DNAJB1: variants seen among roughly 807,000 people sequenced by gnomAD.
DNAJB1 encodes the protein DnaJ heat shock protein family (Hsp40) member B1.
A neutral mutation model predicts 24.0 loss-of-function variants in DNAJB1; 14 were observed. The observed-to-expected ratio is 0.58, with a 90% CI of 0.39 to 0.91. The LOEUF (loss-of-function observed/expected upper bound fraction) is 0.91, where lower values mean the gene tolerates loss of function less well. Ranked by LOEUF, DNAJB1 falls within the 40% of genes least tolerant of loss-of-function variation. DNAJB1 has a pLI of 0.00. For missense variants in DNAJB1, 517 were observed against 458.1 expected (o/e 1.13, Z -1.17); for synonymous variants, 262 against 174.4 (o/e 1.50, Z -3.96).
intron 1 of DNAJB1, among the ~76,000 whole-genome samples, chr19:14,528,670 T>G (rs1249202196): frequency 1.3e-5 from 2 of 151,446 alleles, no homozygotes; most frequent in Non-Finnish European, 2.9e-5. Flanking sequence ...CCGGGCGGGG[T>G]GGCTCAGGCC....
chr19:14,538,520 C>T (rs1402236707), intron 1 of DNAJB1, among the ~76,000 whole-genome samples: 1 of 141,594 alleles, frequency 7.1e-6, no homozygotes, highest in African/African-American at 2.7e-5. Flanking sequence ...TGGAAGGCCT[C>T]AAAACTCTTT....
In DNAJB1 at chr19:14,559,289, T is replaced by G. The variant is rs546326639; in HGVS notation, c.-2166+742A>C. 1.0e-3 allele frequency among the ~76,000 whole-genome samples: 156 copies of G among 152,046 alleles called. 1 individual carries two copies. The highest frequency in any genetic ancestry group is 3.1e-3 in the African/African-American group (127 of 41,476). Reference sequence around the variant, plus strand: ...CCACCTCTGTCTCGTCCCAGAACATTTTCCTCACTCTGAAAGGAGACCGGG... The same window carrying G: ...CCACCTCTGTCTCGTCCCAGAACATGTTCCTCACTCTGAAAGGAGACCGGG... On this transcript the variant is annotated intron_variant, in intron 1 of 5. Coordinates refer to the DNAJB1 transcript ENST00000679223.
At chr19:14,518,098 T>C in intron 1 of DNAJB1, 41 bp downstream of exon 1, 1 of 1,410,596 alleles carries the variant, frequency 7.1e-7, no homozygotes, top group South Asian at 1.5e-5. Flanking sequence ...TTTCCCTGTC[T>C]GTCAAAAGGC....
At position 14,516,842 on chromosome 19, in the gene DNAJB1, C is replaced by A. The variant is rs774560970; in HGVS notation, c.416G>T (p.Gly139Val). ...DPFSGFPMGM[G>V]GFTNVNFGRS... ...GCCAAAGTTCACGTTGGTGAAGCCA[C>A]CCATGCCCATAGGGAAGCCAGAGAA... The change falls in exon 2 of 3, where the codon GGT (glycine) becomes GTT (valine). Residue 139 changes from glycine to valine, a missense_variant. Coordinates refer to ENST00000254322, the MANE Select transcript of DNAJB1 (RefSeq NM_006145.3). 1 of 1,613,944 alleles carries A rather than the reference C, an allele frequency of 6.2e-7. No individual in the cohort carries two copies. The highest frequency in any genetic ancestry group is 1.1e-5 in the South Asian group (1 of 91,074).
At chr19:14,553,034 T>TG (rs1256070509), upstream of DNAJB1, among the ~76,000 whole-genome samples, 2 of 151,718 alleles carry the variant, frequency 1.3e-5, no homozygotes, top group East Asian at 3.9e-4. Context: ...CCACTGAGAA[T>TG]GGGGGGCAGG....
intron 2 of DNAJB1, among the ~76,000 whole-genome samples, chr19:14,526,233 A>G (rs1482495608): frequency 8.5e-5 from 13 of 152,200 alleles, no homozygotes; most frequent in Non-Finnish European, 1.5e-4. Flanking sequence ...TCAGCTCAAC[A>G]ACGACCCAAC....
chr19:14,519,471 C>G (rs2072337584), upstream of DNAJB1, among the ~76,000 whole-genome samples: 2 of 152,226 alleles, frequency 1.3e-5, no homozygotes, highest in Non-Finnish European at 2.9e-5. Context: ...AAGACTGCCT[C>G]TGTTCTCACC....
rs2072253450 is a variant in DNAJB1, at chr19:14,516,085, A to T, written c.878T>A (p.Met293Lys). 6.2e-7 allele frequency: 1 copy of T among 1,613,718 alleles called. No individual in the cohort carries two copies. The stretch of plus-strand genomic sequence containing the variant: ...GCCTTCTCCAGGAACTTTTCGCCGC[A>T]TGCCAGGCCTGATAACATCTTTGAA... The part of the protein sequence containing the change: ...VVFKDVIRPG[M>K]RRKVPGEGLP... The change falls in exon 3 of 3, where the codon ATG (methionine) becomes AAG (lysine). Residue 293 changes from methionine to lysine, a missense_variant. Met to Lys is a moderately conservative substitution (Grantham distance 95, BLOSUM62 -1). Transcript: ENST00000254322.
At position 14,549,211 on chromosome 19, in the gene DNAJB1, C is replaced by CT. The variant is rs561284094; in HGVS notation, c.-214+996dup. Among the ~76,000 whole-genome samples the CT allele has an allele frequency of 6.0e-3, 665 of 111,124 alleles. 6 individuals are homozygous for CT. Among genetic ancestry groups the CT allele is most frequent in the Non-Finnish European group, 6.3e-3 (354 of 56,320 alleles). The allele number at this position is 111,124 out of a possible 152,430, so 72.9% of individuals were successfully genotyped here. A position where few individuals can be genotyped will look rare whatever the true frequency, so the allele number is the denominator to read the frequency against. On this transcript the variant is annotated intron_variant, in intron 1 of 3. Coordinates refer to the DNAJB1 transcript ENST00000676982. Reference sequence around the variant, plus strand: ...ATTATTTCCACAACCTTTAATTGGACTTTTTTTTTTTTTTTTTTTTGAGAT... The same window carrying CT: ...ATTATTTCCACAACCTTTAATTGGACTTTTTTTTTTTTTTTTTTTTTGAGAT...
At chr19:14,544,099 G>A (rs2073220813) in intron 1 of DNAJB1, among the ~76,000 whole-genome samples, 1 of 152,034 alleles carries the variant, frequency 6.6e-6, no homozygotes, top group Non-Finnish European at 1.5e-5. Flanking sequence ...GACAGAGCTG[G>A]AGAATCCCTA....
In DNAJB1 at chr19:14,558,159, C is replaced by A. The variant is rs188589640; in HGVS notation, c.-2166+1872G>T. On this transcript the variant is annotated intron_variant, in intron 1 of 5. Transcript: ENST00000679223. ...ACTTTGCCATGAGTAGATGGAAGTT[C>A]AGAGAGGTTGGGTAACTTGCCCAGG... Among the ~76,000 whole-genome samples, 78 of 152,266 alleles carry A rather than the reference C, an allele frequency of 5.1e-4. No homozygotes were observed. The East Asian group carries it at 0.014, about 27-fold the overall frequency.
chr19:14,542,035 G>A (rs2073112623), intron 1 of DNAJB1, among the ~76,000 whole-genome samples: 1 of 152,036 alleles, frequency 6.6e-6, no homozygotes, highest in Admixed American at 6.6e-5. Flanking sequence ...CGCCCACCTC[G>A]GCCTTCCAGA....
intron 1 of DNAJB1, among the ~76,000 whole-genome samples, chr19:14,536,924 A>G (rs1453724549): frequency 7.8e-6 from 1 of 128,812 alleles, no homozygotes; most frequent in Non-Finnish European, 1.6e-5. Context: ...GGCCCTACTC[A>G]CCTCTGGACC....
upstream of DNAJB1, among the ~76,000 whole-genome samples, chr19:14,552,684 G>A (rs377319079): frequency 1.3e-5 from 2 of 151,940 alleles, no homozygotes; most frequent in East Asian, 1.9e-4. Flanking sequence ...ACAGGCACCC[G>A]CCACCATGCC....
intron 1 of DNAJB1, among the ~76,000 whole-genome samples, chr19:14,556,575 C>T (rs1599480369): frequency 6.6e-6 from 1 of 152,094 alleles, no homozygotes; most frequent in African/African-American, 2.4e-5. Context: ...CAGAGGCTGG[C>T]TTGGTTTTTT....
chr19:14,521,938 A>ATT (rs796191031), upstream of DNAJB1, among the ~76,000 whole-genome samples: 20 of 147,364 alleles, frequency 1.4e-4, no homozygotes, highest in African/African-American at 4.7e-4. Flanking sequence ...GGAAGTTTTA[A>ATT]TTTTTTTTTT....
Position 14,516,113 on chromosome 19 carries a change from C to G in DNAJB1, c.850G>C (p.Val284Leu), listed in dbSNP as rs374296355. 9 of 1,613,726 alleles carry G rather than the reference C, an allele frequency of 5.6e-6. No individual in the cohort carries two copies. Among genetic ancestry groups the G allele is most frequent in the South Asian group, 5.5e-5 (5 of 91,060 alleles). ...PTLDGRTIPVVFKDVIRPGMR... is the reference protein window; with the variant it reads ...PTLDGRTIPVLFKDVIRPGMR... Reference sequence around the variant, plus strand: ...CCAGGCCTGATAACATCTTTGAATACGACGGGTATCGTCCTGCCGTCCAGA... The same window carrying G: ...CCAGGCCTGATAACATCTTTGAATAGGACGGGTATCGTCCTGCCGTCCAGA... Residue 284 changes from valine (V) to leucine (L), a missense_variant, in exon 3 of 3, where the codon GTA becomes CTA. Transcript: ENST00000254322.
At chr19:14,529,658 G>T, upstream of DNAJB1, 2 of 1,613,858 alleles carry the variant, frequency 1.2e-6, no homozygotes. Context: ...CAGTTAGGCA[G>T]CAGCAGCCGC....
upstream of DNAJB1, chr19:14,530,470 A>T (rs1262382253): frequency 6.6e-6 from 1 of 152,208 alleles, no homozygotes. Context: ...AGTAACTATC[A>T]TCAAATAATA....
Sources: allele counts gnomAD v4.1 joint callset (sites outside exome capture counted in the v4.1 genomes callset), GRCh38; gene constraint gnomAD v4.1.1; transcripts MANE v1.5; gene names NCBI Gene and HGNC (gene_info 2026-07-23, HGNC 2026-07-21).